POLN: variants seen among roughly 807,000 people sequenced by gnomAD.
The protein encoded by POLN is DNA polymerase nu.
In POLN, 108 loss-of-function variants were observed where a neutral mutation model predicts 113.5. That is an observed-to-expected ratio of 0.95 (90% confidence interval 0.81 to 1.12). POLN has a LOEUF of 1.12. POLN is among the 50% of genes most tolerant of loss of function. The pLI is 0.00. For synonymous variants in POLN, 386 were observed against 391.5 expected (o/e 0.99, Z 0.17); for missense variants, 1,097 against 1,077.1 (o/e 1.02, Z -0.26).
At chr4:2,084,460 A>G (rs1369218227) in intron 21 of POLN, among the ~76,000 whole-genome samples, 1 of 152,192 alleles carries the variant, frequency 6.6e-6, no homozygotes, top group African/African-American at 2.4e-5. Flanking sequence ...TGGGTTTACC[A>G]TGTCCCCCAA....
At chr4:2,205,026 G>C (rs559740187) in intron 5 of POLN, among the ~76,000 whole-genome samples, 19 of 152,272 alleles carry the variant, frequency 1.2e-4, no homozygotes, top group Non-Finnish European at 2.4e-4. Context: ...CTGAGAACTG[G>C]AACAAGACAA....
At chr4:2,223,608 T>G (rs936690173) in intron 3 of POLN, among the ~76,000 whole-genome samples, 1 of 152,154 alleles carries the variant, frequency 6.6e-6, no homozygotes, top group African/African-American at 2.4e-5. Flanking sequence ...CAAACCTAGA[T>G]GGCATAGCTT....
At chr4:2,213,477 A>G (rs1398258361) in intron 3 of POLN, among the ~76,000 whole-genome samples, 3 of 152,210 alleles carry the variant, frequency 2.0e-5, no homozygotes, top group Non-Finnish European at 4.4e-5. Context: ...TAGACTGAAT[A>G]CTGCAGTGGA....
intron 23 of POLN, among the ~76,000 whole-genome samples, chr4:2,076,042 A>AGCCCCAGCCAG (rs919088847): frequency 6.6e-6 from 1 of 151,900 alleles, no homozygotes; most frequent in East Asian, 1.9e-4. Flanking sequence ...GCATCCAGCC[A>AGCCCCAGCCAG]GCCCCAGCCA....
At position 2,141,827 on chromosome 4, in the gene POLN, C is replaced by T. The variant is rs55983398; in HGVS notation, c.1732-10537G>A. Among the ~76,000 whole-genome samples, 332 of 152,338 alleles carry T rather than the reference C, an allele frequency of 2.2e-3. 1 individual carries two copies. Among genetic ancestry groups the T allele is most frequent in the African/African-American group, 7.5e-3 (311 of 41,576 alleles). ...GGCTCCTTGGAGAGCTCGGCCCCCT[C>T]GGCATGGCACTCCTGGAGACTGCGA... is the stretch of plus-strand genomic sequence containing the variant. On this transcript the variant is annotated intron_variant, in intron 16 of 25. Transcript: ENST00000511885.
At chr4:2,095,734 TA>T in intron 20 of POLN, 116 bp downstream of exon 20, 2 of 921,074 alleles carry the variant, frequency 2.2e-6, no homozygotes, top group Non-Finnish European at 3.5e-6. Flanking sequence ...CATCAGAGCA[TA>T]AACAACACCC....
chr4:2,131,409 G>A, intron 16 of POLN, 119 bp from the exon 17 acceptor site: 1 of 649,102 alleles, frequency 1.5e-6, no homozygotes. Context: ...AATGTAACAT[G>A]CATAAGCACA....
At chr4:2,073,337 AC>A (rs755471428) in intron 24 of POLN, among the ~76,000 whole-genome samples, 3 of 151,762 alleles carry the variant, frequency 2.0e-5, no homozygotes, top group Non-Finnish European at 4.4e-5. Context: ...ACTGGCCCTC[AC>A]CCCTACCCCT....
chr4:2,080,878 A>G, intron 23 of POLN, 80 bp downstream of exon 23: 1 of 1,607,720 alleles, frequency 6.2e-7, no homozygotes, highest in Admixed American at 1.7e-5. Flanking sequence ...GGTGATCATC[A>G]GAATCACGAG....
intron 16 of POLN, among the ~76,000 whole-genome samples, chr4:2,150,529 CT>C (rs199735786): frequency 1.1e-4 from 16 of 151,052 alleles, no homozygotes; most frequent in African/African-American, 3.4e-4. Context: ...CCAAAATAAC[CT>C]TTTTTTTTCT....
chr4:2,128,791 A>G (rs1374753536), intron 18 of POLN, among the ~76,000 whole-genome samples: 4 of 152,244 alleles, frequency 2.6e-5, no homozygotes, highest in African/African-American at 9.6e-5. Context: ...GCAGTGGCTT[A>G]TGCCTGTAAT....
chr4:2,177,032 C>T (rs35062318), intron 8 of POLN, among the ~76,000 whole-genome samples: 37,400 of 151,976 alleles, frequency 0.25, 7,093 homozygotes, highest in African/African-American at 0.51. Flanking sequence ...AGTGCACACA[C>T]CTTGGCATTG....
intron 4 of POLN, among the ~76,000 whole-genome samples, 167 bp from the exon 5 acceptor site, chr4:2,208,654 T>A (rs1733917939): frequency 6.6e-6 from 1 of 152,166 alleles, no homozygotes; most frequent in African/African-American, 2.4e-5. Flanking sequence ...TCTAGAGCAG[T>A]GATTTTTCTC....
chr4:2,172,346 C>T (rs115817145), intron 11 of POLN, among the ~76,000 whole-genome samples: 3 of 152,218 alleles, frequency 2.0e-5, no homozygotes, highest in South Asian at 2.1e-4. Flanking sequence ...TTCTGAAGAG[C>T]GACAACCAAT....
Position 2,176,203 on chromosome 4 carries a change from T to C in POLN, c.1248+63A>G, listed in dbSNP as rs747809247. 1.9e-4 allele frequency: 246 copies of C among 1,320,582 alleles called. 1 individual carries two copies. Among genetic ancestry groups the C allele is most frequent in the Non-Finnish European group, 2.5e-4 (232 of 922,838 alleles). 81.8% of individuals were successfully genotyped at this position (1,320,582 alleles called of 1,614,324 possible). ...CATTCAAACTCCCTGGGAGTGCGGG[T>C]GCCAATGAAAAGACATCTCTTGTGA... On this transcript the variant is annotated intron_variant, in intron 9 of 25. Coordinates refer to ENST00000511885, the MANE Select transcript of POLN (RefSeq NM_181808.4).
chr4:2,203,871 C>T lies in POLN; in HGVS notation c.714+4116G>A, dbSNP rs185966200. 3.0e-3 allele frequency among the ~76,000 whole-genome samples: 448 copies of T among 151,830 alleles called. 3 individuals are homozygous for T. Among genetic ancestry groups the T allele is most frequent in the African/African-American group, 8.1e-3 (337 of 41,438 alleles). On this transcript the variant is annotated intron_variant, in intron 5 of 25. Transcript: ENST00000511885. ...ACGCCTGTAATCCCAGCACTTTGGG[C>T]GGCAGAGGAGGGTGGATCACCTGAG... is the stretch of plus-strand genomic sequence containing the variant.
rs1038449121 is a variant in POLN at position 2,122,895 on chromosome 4, G to A, written c.1982+5218C>T. On this transcript the variant is annotated intron_variant, in intron 19 of 25. Transcript: ENST00000511885. ...AGACCAGGGGCGGTAGCTCACACCTGTAATCCCAGCACTTTGGGAGGCCAA... is the reference window on the plus strand; with the variant it reads ...AGACCAGGGGCGGTAGCTCACACCTATAATCCCAGCACTTTGGGAGGCCAA... Among the ~76,000 whole-genome samples, 14 of 152,292 alleles carry A rather than the reference G, an allele frequency of 9.2e-5. 1 individual carries two copies. Among genetic ancestry groups the A allele is most frequent in the African/African-American group, 3.4e-4 (14 of 41,550 alleles).
At chr4:2,086,847 G>C (rs898682077) in intron 20 of POLN, among the ~76,000 whole-genome samples, 14 of 152,172 alleles carry the variant, frequency 9.2e-5, no homozygotes, top group Non-Finnish European at 1.9e-4. Flanking sequence ...GGGTGCTCCA[G>C]GGACCTTTGG....
intron 7 of POLN, among the ~76,000 whole-genome samples, chr4:2,187,442 C>T (rs143269585): frequency 6.6e-6 from 1 of 152,232 alleles, no homozygotes; most frequent in Admixed American, 6.5e-5. Flanking sequence ...CAGGGTTTCA[C>T]CATGTTGGCC....
Sources: gnomAD v4.1 joint callset for allele counts (sites outside exome capture counted in the v4.1 genomes callset) on GRCh38, gnomAD v4.1.1 for gene constraint, MANE v1.5 for transcripts, NCBI Gene and HGNC (gene_info 2026-07-23, HGNC 2026-07-21) for gene names.